MYCBP2: variants seen among roughly 807,000 people sequenced by gnomAD.
MYCBP2 encodes MYC binding protein 2.
In MYCBP2, 120 loss-of-function variants were observed where a neutral mutation model predicts 525.3. The ratio of observed to expected loss-of-function variants is 0.23; its 90% CI spans 0.20 to 0.27. The LOEUF is 0.27. MYCBP2 is among the 10% of genes least tolerant of loss of function. The pLI, the probability that MYCBP2 is intolerant of heterozygous loss-of-function variation, is 1.00. For missense variants in MYCBP2, 4,149 were observed against 5,657.1 expected, an observed-to-expected ratio of 0.73 and a Z score of 8.55; for synonymous variants, 1,894 against 1,955.8, an observed-to-expected ratio of 0.97 and a Z score of 0.83.
intron 44 of MYCBP2, among the ~76,000 whole-genome samples, chr13:77,161,160 C>G (rs1450957532): frequency 6.6e-6 from 1 of 152,176 alleles, no homozygotes; most frequent in Non-Finnish European, 1.5e-5. Flanking sequence ...TACAATTTGA[C>G]AAATGCTGTC....
chr13:77,181,082 C>T (rs1009856913), intron 33 of MYCBP2, among the ~76,000 whole-genome samples: 1 of 152,134 alleles, frequency 6.6e-6, no homozygotes, highest in Non-Finnish European at 1.5e-5. Context: ...ATAATTTCTA[C>T]TGTATTTGTT....
At chr13:77,267,304 TTAAGAAGCA>T (rs1205870694) in intron 8 of MYCBP2, among the ~76,000 whole-genome samples, 1 of 151,214 alleles carries the variant, frequency 6.6e-6, no homozygotes, top group South Asian at 2.1e-4. Flanking sequence ...TATCAAAGTA[TTAAGAAGCA>T]TAAGAAGCAT....
chr13:77,090,570 AATATTCAGGAAAAAC>A (rs1323158716), intron 59 of MYCBP2: 1 of 187,946 alleles, frequency 5.3e-6, no homozygotes, highest in Non-Finnish European at 1.1e-5. Flanking sequence ...CATGTATCAT[AATATTCAGGAAAAAC>A]AGTCAGATAT....
chr13:77,072,444 T>C (rs1249805811), intron 68 of MYCBP2, among the ~76,000 whole-genome samples: 1 of 151,944 alleles, frequency 6.6e-6, no homozygotes. Context: ...ATTAAATACT[T>C]AGATGAGAAA....
chr13:77,168,359 CT>C (rs1314893036), intron 40 of MYCBP2, 68 bp downstream of exon 40: 1 of 1,329,174 alleles, frequency 7.5e-7, no homozygotes, highest in African/African-American at 1.5e-5. Context: ...GCCAGGCATT[CT>C]TTAAGATATC....
rs144565262 is a variant in MYCBP2, at chr13:77,069,450, G to A, written c.11905-619C>T. Among the ~76,000 whole-genome samples the A allele has an allele frequency of 3.7e-4, 56 of 151,776 alleles. No homozygotes were observed. In the East Asian group the frequency reaches 9.1e-3, roughly 25 times the overall value. On this transcript the variant is annotated intron_variant, in intron 69 of 82. Coordinates refer to ENST00000544440, the MANE Select transcript of MYCBP2 (RefSeq NM_015057.5). ...ATCCTGGCTAATATGGTGAAATCCCGTCTCTACTAAAAATACAAAAAAATT... is the reference window on the plus strand; with the variant it reads ...ATCCTGGCTAATATGGTGAAATCCCATCTCTACTAAAAATACAAAAAAATT...
chr13:77,116,292 T>C (rs553229663), intron 55 of MYCBP2, among the ~76,000 whole-genome samples: 5 of 152,032 alleles, frequency 3.3e-5, no homozygotes, highest in African/African-American at 7.2e-5. Flanking sequence ...CTAAATAGCA[T>C]AGGGAAGTTC....
At chr13:77,167,265 T>C (rs2058655372) in intron 40 of MYCBP2, among the ~76,000 whole-genome samples, 1 of 152,120 alleles carries the variant, frequency 6.6e-6, no homozygotes, top group Non-Finnish European at 1.5e-5. Context: ...TGTGTATGTA[T>C]AACAGAAATC....
At chr13:77,148,686 A>G (rs2056006338) in intron 47 of MYCBP2, among the ~76,000 whole-genome samples, 2 of 152,094 alleles carry the variant, frequency 1.3e-5, no homozygotes, top group South Asian at 4.1e-4. Flanking sequence ...TTATTCACAA[A>G]TAATCTTCAA....
chr13:77,186,475 T>TA (rs1460681854), intron 30 of MYCBP2, among the ~76,000 whole-genome samples: 1 of 152,154 alleles, frequency 6.6e-6, no homozygotes, highest in Admixed American at 6.5e-5. Context: ...AAAAATAAAA[T>TA]AGAGTTTTAG....
chr13:77,187,248 T>G (rs557777891), intron 30 of MYCBP2, among the ~76,000 whole-genome samples: 1 of 152,244 alleles, frequency 6.6e-6, no homozygotes, highest in East Asian at 1.9e-4. Flanking sequence ...AAAGAAAGCA[T>G]AACAGAGTCA....
At chr13:77,210,659 CTTCTTTA>C (rs1212063132) in intron 23 of MYCBP2, among the ~76,000 whole-genome samples, 2 of 152,186 alleles carry the variant, frequency 1.3e-5, no homozygotes, top group South Asian at 2.1e-4. Context: ...GCTCAATTAT[CTTCTTTA>C]TTCTTTATTG....
At chr13:77,181,168 GA>G (rs1439631151) in intron 33 of MYCBP2, among the ~76,000 whole-genome samples, 5 of 151,938 alleles carry the variant, frequency 3.3e-5, no homozygotes, top group African/African-American at 1.2e-4. Flanking sequence ...CTCAATAAAG[GA>G]AAAATACTTT....
intron 31 of MYCBP2, 114 bp downstream of exon 31, chr13:77,185,757 T>C (rs1595230146): frequency 1.4e-6 from 1 of 738,748 alleles, no homozygotes; most frequent in East Asian, 2.9e-5. Context: ...CCCCTCATTT[T>C]AGAAGCAGCT....
chr13:77,151,807 T>C lies in MYCBP2; in HGVS notation c.6916-858A>G, dbSNP rs183875227. Reference sequence around the variant, plus strand: ...ATTTCTGAAAAATACTTTTTAGAAATATTTCCCAGAAATTATAAGAAAACA... The same window carrying C: ...ATTTCTGAAAAATACTTTTTAGAAACATTTCCCAGAAATTATAAGAAAACA... On this transcript the variant is annotated intron_variant, in intron 46 of 82. Coordinates refer to ENST00000544440, the MANE Select transcript of MYCBP2 (RefSeq NM_015057.5). Among the ~76,000 whole-genome samples the C allele has an allele frequency of 4.7e-3, 714 of 152,358 alleles. 3 individuals are homozygous for C. The highest frequency in any genetic ancestry group is 0.015 in the African/African-American group (625 of 41,588).
At chr13:77,306,819 T>A (rs1402993884) in intron 1 of MYCBP2, among the ~76,000 whole-genome samples, 1 of 151,622 alleles carries the variant, frequency 6.6e-6, no homozygotes, top group African/African-American at 2.4e-5. Flanking sequence ...GCACTCTGAG[T>A]GAGAACAGCA....
Position 77,066,984 on chromosome 13 carries a change from CATT to C in MYCBP2, c.12455+594_12455+596del, listed in dbSNP as rs1364270020. ...ATACTTCTATATTATGCTAACAAGT[CATT>C]GTCTATTATATAGGTTTAAGTATTT... On this transcript the variant is annotated intron_variant, in intron 71 of 82. Transcript: ENST00000544440. Among the ~76,000 whole-genome samples, 4 of 152,184 alleles carry C rather than the reference CATT, an allele frequency of 2.6e-5. No individual in the cohort carries two copies. In the East Asian group the frequency reaches 7.7e-4, roughly 29 times the overall value.
intron 69 of MYCBP2, among the ~76,000 whole-genome samples, chr13:77,069,050 AACT>A (rs901085673): frequency 1.1e-4 from 16 of 152,216 alleles, no homozygotes; most frequent in African/African-American, 3.4e-4. Flanking sequence ...TATTTAAATC[AACT>A]ACTATGTGCA....
chr13:77,188,418 T>C (rs567548632), intron 30 of MYCBP2, among the ~76,000 whole-genome samples: 1 of 152,224 alleles, frequency 6.6e-6, no homozygotes, highest in East Asian at 1.9e-4. Context: ...GTAAGAATCC[T>C]CAATTAATAC....
Sources: gnomAD v4.1 joint callset for allele counts (sites outside exome capture counted in the v4.1 genomes callset) on GRCh38, gnomAD v4.1.1 for gene constraint, MANE v1.5 for transcripts, NCBI Gene and HGNC (gene_info 2026-07-23, HGNC 2026-07-21) for gene names.